Variants in VAMP2 observed in about 807,000 individuals in gnomAD.
The protein encoded by VAMP2 is vesicle-associated membrane protein 2.
For missense variants in VAMP2, 95 were observed against 151.3 expected, an observed-to-expected ratio of 0.63 and a Z score of 1.95; for synonymous variants, 67 against 57.3, an observed-to-expected ratio of 1.17 and a Z score of -0.76.
rs2151865210 is a variant in VAMP2, at chr17:8,161,072, A to G, written c.335-201T>C. The G allele has an allele frequency of 1.4e-5, 8 of 557,290 alleles. 1 individual carries two copies. In the South Asian group the frequency reaches 1.9e-4, roughly 13 times the overall value. The allele number at this position is 557,290 out of a possible 1,614,324, so 34.5% of individuals were successfully genotyped here. On this transcript the variant is annotated intron_variant, in intron 4 of 4. Transcript: ENST00000316509. ...TCTGAGGTCCCTTCCGCTCCATGGT[A>G]TGGCCTTGAAGCCACAGACCCTAAT...
chr17:8,162,490 C>A, intron 1 of VAMP2, 121 bp from the exon 2 acceptor site: 1 of 1,548,702 alleles, frequency 6.5e-7, no homozygotes, highest in Non-Finnish European at 8.7e-7. Flanking sequence ...AGGAAGGCCA[C>A]CCGATGTAAG....
chr17:8,162,309 T>A lies in VAMP2; in HGVS notation c.63A>T (p.Ala21=). ...AAPAGEGGPP[A]PPPNLTSNRR... ...TGTTACTGGTGAGGTTTGGAGGGGG[T>A]GCAGGGGGACCACCCTCCCCAGCCG... The change falls in exon 2 of 5, where the codon GCA becomes GCT. Residue 21 remains alanine (A), a synonymous_variant. Coordinates refer to ENST00000316509, the MANE Select transcript of VAMP2 (RefSeq NM_014232.3). 7 of 1,599,490 alleles carry A rather than the reference T, an allele frequency of 4.4e-6. No homozygotes were observed. The highest frequency in any genetic ancestry group is 6.0e-6 in the Non-Finnish European group (7 of 1,174,966).
In VAMP2 at chr17:8,162,377, G is replaced by T. The variant is rs775864378; in HGVS notation, c.3-8C>A. ...GTGGCAGCGGTAGCAGACCTGAGGAGCAGGGACGGATTAAGACCCAGGGCC... is the reference window on the plus strand; with the variant it reads ...GTGGCAGCGGTAGCAGACCTGAGGATCAGGGACGGATTAAGACCCAGGGCC... On this transcript the variant is annotated splice_polypyrimidine_tract_variant and splice_region_variant and intron_variant, in intron 1 of 4. Transcript: ENST00000316509. 1.1e-5 allele frequency: 17 copies of T among 1,611,176 alleles called. No homozygotes were observed. In the East Asian group the frequency reaches 3.1e-4, roughly 30 times the overall value.
intron 4 of VAMP2, 25 bp from the exon 5 acceptor site, chr17:8,160,896 AG>A: frequency 6.3e-7 from 1 of 1,591,938 alleles, no homozygotes; most frequent in Non-Finnish European, 8.6e-7. Context: ...GAAGAAGATG[AG>A]GAAGAGGGAG....
chr17:8,160,782 G>T lies in VAMP2; in HGVS notation c.*73C>A. ...CAGGGGAGTGGGGGCTGAAAGATAT[G>T]GCTGAGAGGTGGAGGAACGGCTGAG... On this transcript the variant is annotated 3_prime_UTR_variant, in exon 5 of 5. Transcript: ENST00000316509. The T allele has an allele frequency of 2.6e-6, 4 of 1,551,774 alleles. No homozygotes were observed. Among genetic ancestry groups the T allele is most frequent in the South Asian group, 1.2e-5 (1 of 83,414 alleles).
rs1203183509 is a variant in VAMP2, at chr17:8,160,879, G to C, written c.335-8C>G. On this transcript the variant is annotated splice_polypyrimidine_tract_variant and splice_region_variant and intron_variant, in intron 4 of 4. Coordinates refer to ENST00000316509, the MANE Select transcript of VAMP2 (RefSeq NM_014232.3). ...TTTAAGTGCTGAAGTAAACTGTGGA[G>C]AGAGGGGAAGAAGATGAGGAAGAGG... 3.1e-6 allele frequency: 5 copies of C among 1,609,036 alleles called. No homozygotes were observed. Among genetic ancestry groups the C allele is most frequent in the Non-Finnish European group, 4.2e-6 (5 of 1,176,862 alleles).
intron 1 of VAMP2, 30 bp downstream of exon 1, chr17:8,162,848 C>A: frequency 3.3e-6 from 4 of 1,213,802 alleles, no homozygotes; most frequent in Non-Finnish European, 4.1e-6. Context: ...CGCAGGGAAG[C>A]GCGGTGAGGG....
In VAMP2 at chr17:8,162,335, G is replaced by C; in HGVS notation, c.37C>G (p.Pro13Ala). 1.2e-6 allele frequency: 2 copies of C among 1,606,232 alleles called. No individual in the cohort carries two copies. Among genetic ancestry groups the C allele is most frequent in the Non-Finnish European group, 1.7e-6 (2 of 1,177,256 alleles). Residue 13 changes from proline (P) to alanine (A), a missense_variant, in exon 2 of 5, where the codon CCG (proline) becomes GCG (alanine). Pro to Ala is a conservative substitution (Grantham distance 27). Transcript: ENST00000316509. ...GCAGGGGGACCACCCTCCCCAGCCG[G>C]GGCAGCAGGGGGGGCCGTGGCAGCG... is the stretch of plus-strand genomic sequence containing the variant. ...ATAATAPPAAPAGEGGPPAPP... is the reference protein window; with the variant it reads ...ATAATAPPAAAAGEGGPPAPP...
chr17:8,162,935 C>G lies in VAMP2; in HGVS notation c.-56G>C. The G allele has an allele frequency of 1.7e-6, 2 of 1,202,672 alleles. No homozygotes were observed. 74.5% of individuals were successfully genotyped at this position (1,202,672 alleles called of 1,614,324 possible). A position where few individuals can be genotyped will look rare whatever the true frequency, so the allele number is the denominator to read the frequency against. ...CGGCAGTGATGGCGGCGGCGGCTCG[C>G]GCTGGCTCCGACTGGCGCTGGCTGC... is the stretch of plus-strand genomic sequence containing the variant. On this transcript the variant is annotated 5_prime_UTR_variant, in exon 1 of 5. Transcript: ENST00000316509.
intron 4 of VAMP2, 21 bp downstream of exon 4, chr17:8,161,452 G>A (rs762824790): frequency 2.3e-5 from 37 of 1,613,658 alleles, no homozygotes; most frequent in South Asian, 1.3e-4. Context: ...AAAGGGCCCC[G>A]GCCATTCTCA....
rs1218395932 is a variant in VAMP2 at position 8,159,968 on chromosome 17, CACTT to C, written c.*883_*886del. On this transcript the variant is annotated 3_prime_UTR_variant, in exon 5 of 5. Coordinates refer to ENST00000316509, the MANE Select transcript of VAMP2 (RefSeq NM_014232.3). ...CATCATAACATACTGAACTTCAAGA[CACTT>C]ACATACCAGCTGGGGGAGGGAGAGG... 3 of 152,502 alleles carry C rather than the reference CACTT, an allele frequency of 2.0e-5. No homozygotes were observed. The highest frequency in any genetic ancestry group is 7.2e-5 in the African/African-American group (3 of 41,408). The allele number at this position is 152,502 out of a possible 1,614,324, so 9.4% of individuals were successfully genotyped here.
rs1983238943 is a variant in VAMP2 at position 8,159,858 on chromosome 17, C to G, written c.*997G>C. ...GGATCAGGCAGATGGGAGGGAAACC[C>G]CATGGGAATGTCAGTTGAGTACCCC... On this transcript the variant is annotated 3_prime_UTR_variant, in exon 5 of 5. Transcript: ENST00000316509. 1 of 152,664 alleles carries G rather than the reference C, an allele frequency of 6.6e-6. No individual in the cohort carries two copies. Among genetic ancestry groups the G allele is most frequent in the Non-Finnish European group, 1.5e-5 (1 of 68,080 alleles). 9.5% of individuals were successfully genotyped at this position (152,664 alleles called of 1,614,324 possible).
chr17:8,162,083 G>A (rs1233902123), intron 2 of VAMP2, among the ~76,000 whole-genome samples, 166 bp downstream of exon 2: 3 of 152,098 alleles, frequency 2.0e-5, no homozygotes, highest in Admixed American at 1.3e-4. Context: ...CACCCCCAGC[G>A]CCCTTCCAAG....
intron 2 of VAMP2, 122 bp downstream of exon 2, chr17:8,162,127 G>T (rs370319736): frequency 1.4e-6 from 2 of 1,418,096 alleles, no homozygotes. Flanking sequence ...ATGGGGCATG[G>T]TATCTTTGTC....
At chr17:8,160,934 AAGC>A in intron 4 of VAMP2, 63 bp from the exon 5 acceptor site, 1 of 1,438,080 alleles carries the variant, frequency 7.0e-7, no homozygotes, top group Non-Finnish European at 9.7e-7. Context: ...GAGAACAAGA[AAGC>A]AGTGTGTCAG....
Position 8,160,763 on chromosome 17 carries a change from A to AT in VAMP2, c.*91_*92insA. ...ACACACACACACACGGATCCAGGGGAGTGGGGGCTGAAAGATATGGCTGAG... is the reference window on the plus strand; with the variant it reads ...ACACACACACACACGGATCCAGGGGATGTGGGGGCTGAAAGATATGGCTGAG... On this transcript the variant is annotated 3_prime_UTR_variant, in exon 5 of 5. Transcript: ENST00000316509. 2.9e-6 allele frequency: 4 copies of AT among 1,383,496 alleles called. 1 individual carries two copies. The highest frequency in any genetic ancestry group is 4.0e-6 in the Non-Finnish European group (4 of 1,000,976). The allele number at this position is 1,383,496 out of a possible 1,614,324, so 85.7% of individuals were successfully genotyped here.
At chr17:8,161,318 CAA>C in intron 4 of VAMP2, 153 bp downstream of exon 4, 1 of 1,125,452 alleles carries the variant, frequency 8.9e-7, no homozygotes, top group Non-Finnish European at 1.2e-6. Flanking sequence ...TAAATAACAT[CAA>C]AGTTTTTGGC....
chr17:8,161,728 C>A lies in VAMP2; in HGVS notation c.162G>T (p.Leu54=). The change falls in exon 3 of 5, where the codon CTG becomes CTT. Residue 54 remains leucine, a synonymous_variant. Transcript: ENST00000316509. ...GCTCCGACAGCTTCTGGTCTCGCTCCAGGACCTTGTCCACGTTCACCCTCA... is the reference window on the plus strand; with the variant it reads ...GCTCCGACAGCTTCTGGTCTCGCTCAAGGACCTTGTCCACGTTCACCCTCA... ...DIMRVNVDKV[L]ERDQKLSELD... 6.2e-7 allele frequency: 1 copy of A among 1,614,160 alleles called. No individual in the cohort carries two copies. Among genetic ancestry groups the A allele is most frequent in the Non-Finnish European group, 8.5e-7 (1 of 1,179,986 alleles).
At chr17:8,160,972 C>T (rs1415919395) in intron 4 of VAMP2, 101 bp from the exon 5 acceptor site, 3 of 1,038,836 alleles carry the variant, frequency 2.9e-6, no homozygotes, top group Non-Finnish European at 4.4e-6. Context: ...CAATCCTCCC[C>T]ACTCCCCAGC....
Sources: gnomAD v4.1 joint callset for allele counts (sites outside exome capture counted in the v4.1 genomes callset) on GRCh38, gnomAD v4.1.1 for gene constraint, MANE v1.5 for transcripts, NCBI Gene and HGNC (gene_info 2026-07-23, HGNC 2026-07-21) for gene names.